The following PRKN variants were observed in gnomAD, a reference collection of about 807,000 sequenced individuals.
PRKN encodes the protein E3 ubiquitin-protein ligase parkin.
PRKN carries 56 observed loss-of-function variants against 59.5 expected under a neutral mutation model. The ratio of observed to expected loss-of-function variants is 0.94; its 90% confidence interval spans 0.76 to 1.18. The LOEUF (loss-of-function observed/expected upper bound fraction) is 1.18. Among genes scored for constraint, PRKN ranks in the 50% most tolerant of loss-of-function variants. The probability of loss-of-function intolerance (pLI) is 0.00; values close to 1 mark genes in which losing one functional copy is unlikely to be tolerated. For missense variants in PRKN, 657 were observed against 596.4 expected (o/e 1.10, Z -1.06); for synonymous variants, 250 against 222.1 (o/e 1.13, Z -1.12).
chr6:161,568,972 T>TA lies in PRKN; in HGVS notation c.933+382dup, dbSNP rs3032926. ...ACAAACACCCAATACAAAAACCTGG[T>TA]AAAAAAAAAAAAAAAATGCTCACAC... On this transcript the variant is annotated intron_variant, in intron 8 of 11. Coordinates refer to ENST00000366898, the MANE Select transcript of PRKN (RefSeq NM_004562.3). Among the ~76,000 whole-genome samples, 242 of 139,048 alleles carry TA rather than the reference T, an allele frequency of 1.7e-3. 1 individual carries two copies. The highest frequency in any genetic ancestry group is 5.4e-3 in the East Asian group (25 of 4,596). 91.2% of individuals were successfully genotyped at this position (139,048 alleles called of 152,430 possible). A position where few individuals can be genotyped will look rare whatever the true frequency, so the allele number is the denominator to read the frequency against.
intron 6 of PRKN, among the ~76,000 whole-genome samples, chr6:161,951,534 T>C (rs1779989408): frequency 6.6e-6 from 1 of 152,214 alleles, no homozygotes; most frequent in African/African-American, 2.4e-5. Context: ...GCTTGTAATG[T>C]GGAATAGACA....
intron 7 of PRKN, among the ~76,000 whole-genome samples, chr6:161,746,694 ATATG>A (rs1788434529): frequency 6.9e-6 from 1 of 145,754 alleles, no homozygotes; most frequent in African/African-American, 2.5e-5. Context: ...CTATATAGGT[ATATG>A]TATATATGTA....
chr6:161,445,201 C>G lies in PRKN; in HGVS notation c.1084-58324G>C, dbSNP rs60857780. 2.0e-5 allele frequency among the ~76,000 whole-genome samples: 3 copies of G among 152,046 alleles called. 1 individual carries two copies. Among genetic ancestry groups the G allele is most frequent in the South Asian group, 4.2e-4 (2 of 4,818 alleles). On this transcript the variant is annotated intron_variant, in intron 9 of 11. Coordinates refer to ENST00000366898, the MANE Select transcript of PRKN (RefSeq NM_004562.3). This position sits in a 1 kb window ranked among gnomAD's most constrained non-coding sequence, Gnocchi z 7.7. ...CGAGTGTACAGCAGTCAGACAGGAA[C>G]GGGGAGAGGGGGCTCAACTTTCTGA... is the stretch of plus-strand genomic sequence containing the variant.
chr6:162,117,461 A>T (rs1780722491), intron 4 of PRKN, among the ~76,000 whole-genome samples: 1 of 152,210 alleles, frequency 6.6e-6, no homozygotes, highest in African/African-American at 2.4e-5. Flanking sequence ...ATTGTATGAG[A>T]CTGCGAGAAA....
intron 4 of PRKN, among the ~76,000 whole-genome samples, chr6:162,116,350 G>C (rs1294836151): frequency 2.6e-5 from 4 of 152,150 alleles, no homozygotes; most frequent in Non-Finnish European, 4.4e-5. Flanking sequence ...TGTCCCACTG[G>C]CTTAGCGGCA....
At chr6:162,017,361 T>C (rs938535499) in intron 5 of PRKN, among the ~76,000 whole-genome samples, 1 of 152,172 alleles carries the variant, frequency 6.6e-6, no homozygotes, top group Admixed American at 6.5e-5. Flanking sequence ...CCTTACCACA[T>C]AGAAACTATG....
chr6:162,681,779 G>A (rs7742452), intron 1 of PRKN, among the ~76,000 whole-genome samples: 1,984 of 152,178 alleles, frequency 0.013, 51 homozygotes, highest in African/African-American at 0.045. Context: ...AGTGGCCAAT[G>A]GGAAACCTCT....
intron 1 of PRKN, among the ~76,000 whole-genome samples, chr6:162,614,891 A>G (rs1181673044): frequency 6.6e-6 from 1 of 152,184 alleles, no homozygotes; most frequent in Non-Finnish European, 1.5e-5. Context: ...TCCACACTGT[A>G]AATAACAATT....
At chr6:162,556,980 T>C (rs1337466501) in intron 1 of PRKN, among the ~76,000 whole-genome samples, 2 of 152,076 alleles carry the variant, frequency 1.3e-5, no homozygotes, top group Non-Finnish European at 1.5e-5. Context: ...AGATAATACA[T>C]TTAAACAATT....
chr6:161,999,516 C>T (rs1781969984), intron 5 of PRKN, among the ~76,000 whole-genome samples: 1 of 152,108 alleles, frequency 6.6e-6, no homozygotes, highest in African/African-American at 2.4e-5. Context: ...CATGGCACGT[C>T]CATTTATGCA....
In PRKN at chr6:162,622,859, C is replaced by T. The variant is rs945358404; in HGVS notation, c.7+104803G>A. 3.3e-5 allele frequency among the ~76,000 whole-genome samples: 5 copies of T among 152,124 alleles called. No homozygotes were observed. In the East Asian group the frequency reaches 5.8e-4, roughly 18 times the overall value. On this transcript the variant is annotated intron_variant, in intron 1 of 11. Coordinates refer to ENST00000366898, the MANE Select transcript of PRKN (RefSeq NM_004562.3). Reference sequence around the variant, plus strand: ...CAAGACAGACAAGTTTTATTTTACACGTGAAATGCTTTATGAACCTCCCTT... The same window carrying T: ...CAAGACAGACAAGTTTTATTTTACATGTGAAATGCTTTATGAACCTCCCTT...
chr6:162,661,793 T>C (rs1778892489), intron 1 of PRKN, among the ~76,000 whole-genome samples: 1 of 152,222 alleles, frequency 6.6e-6, no homozygotes, highest in African/African-American at 2.4e-5. Context: ...CAGTTAAATG[T>C]GAGGCAGAAA....
At chr6:162,036,248 C>T (rs572820403) in intron 5 of PRKN, among the ~76,000 whole-genome samples, 17 of 151,730 alleles carry the variant, frequency 1.1e-4, no homozygotes, top group African/African-American at 3.1e-4. Flanking sequence ...GGCGTGAACC[C>T]GGGAGGCGGA....
chr6:162,146,522 T>C (rs1330676841), intron 4 of PRKN, among the ~76,000 whole-genome samples: 1 of 151,288 alleles, frequency 6.6e-6, no homozygotes, highest in Non-Finnish European at 1.5e-5. Context: ...ATTTTTTTTT[T>C]CTGAGACCGT....
At chr6:162,006,260 T>C (rs1034646229) in intron 5 of PRKN, among the ~76,000 whole-genome samples, 2 of 152,108 alleles carry the variant, frequency 1.3e-5, no homozygotes, top group African/African-American at 2.4e-5. Flanking sequence ...GAGTTCCAAT[T>C]CAATTTCCAT....
intron 1 of PRKN, among the ~76,000 whole-genome samples, chr6:162,444,353 A>G (rs745513099): frequency 3.9e-5 from 6 of 152,100 alleles, no homozygotes; most frequent in Non-Finnish European, 8.8e-5. Flanking sequence ...GCTATGTCAC[A>G]CCACTCAAAT....
intron 5 of PRKN, among the ~76,000 whole-genome samples, chr6:161,977,533 GTTTTTTTGGTTT>G (rs1037195603): frequency 2.5e-5 from 2 of 80,676 alleles, no homozygotes; most frequent in African/African-American, 9.9e-5. Flanking sequence ...TCTACTTTCT[GTTTTTTTGGTTT>G]TTTTTTTTTT....
intron 4 of PRKN, among the ~76,000 whole-genome samples, chr6:162,080,218 C>G (rs1400301293): frequency 6.6e-6 from 1 of 152,038 alleles, no homozygotes; most frequent in Non-Finnish European, 1.5e-5. Flanking sequence ...GTTCAAGATT[C>G]ATTATTTATA....
chr6:161,961,771 T>C (rs1780388915), intron 6 of PRKN, among the ~76,000 whole-genome samples: 1 of 152,166 alleles, frequency 6.6e-6, no homozygotes, highest in East Asian at 1.9e-4. Flanking sequence ...TAAATATCTG[T>C]TGAATGAACA....
Sources: allele counts gnomAD v4.1 joint callset (sites outside exome capture counted in the v4.1 genomes callset), GRCh38; gene constraint gnomAD v4.1.1; non-coding constraint Gnocchi (gnomAD v3.1); transcripts MANE v1.5; gene names NCBI Gene and HGNC (gene_info 2026-07-23, HGNC 2026-07-21).